The following KIRREL3 variants were observed in gnomAD, a reference collection of about 807,000 sequenced individuals.
The protein encoded by KIRREL3 is kin of IRRE-like protein 3.
In KIRREL3, 36 loss-of-function variants were observed where a neutral mutation model predicts 89.7. The ratio of observed to expected loss-of-function variants is 0.40; its 90% CI spans 0.31 to 0.53. The LOEUF (loss-of-function observed/expected upper bound fraction) is 0.53. Among genes scored for constraint, KIRREL3 ranks in the 20% least tolerant of loss-of-function variants. The pLI, the probability that KIRREL3 is intolerant of heterozygous loss-of-function variation, is 0.49. For synonymous variants in KIRREL3, 445 were observed against 441.4 expected (o/e 1.01, Z -0.10); for missense variants, 864 against 1,056.6 (o/e 0.82, Z 2.53).
intron 1 of KIRREL3, among the ~76,000 whole-genome samples, chr11:126,597,721 G>T (rs1264121305): frequency 6.6e-6 from 1 of 152,194 alleles, no homozygotes; most frequent in Admixed American, 6.5e-5. Flanking sequence ...AGCCCTTGTG[G>T]TCCCTGACAC....
At chr11:126,450,879 ATGTGTGCATGTGCG>A (rs542648274) in intron 7 of KIRREL3, among the ~76,000 whole-genome samples, 1,477 of 124,214 alleles carry the variant, frequency 0.012, 14 homozygotes, top group African/African-American at 0.039. Flanking sequence ...GCATGTGTGC[ATGTGTGCATGTGCG>A]TGTGTGCATG....
rs1422096539 is a variant in KIRREL3 at position 126,923,092 on chromosome 11, TCTTCTTCTTCTC to T, written c.55+77351_55+77362del. ...GCTCAGCTTGCCTTGTGGATCTTCT[TCTTCTTCTTCTC>T]CTTCTCCTTCTCCTTCTCCTTCTTC... On this transcript the variant is annotated intron_variant, in intron 1 of 16. Transcript: ENST00000525144. Among the ~76,000 whole-genome samples, 204 of 112,080 alleles carry T rather than the reference TCTTCTTCTTCTC, an allele frequency of 1.8e-3. 5 individuals carry two copies. Among genetic ancestry groups the T allele is most frequent in the African/African-American group, 7.9e-3 (195 of 24,812 alleles). 73.5% of individuals were successfully genotyped at this position (112,080 alleles called of 152,430 possible).
Position 126,513,774 on chromosome 11 carries a change from C to G in KIRREL3, c.433+7541G>C, listed in dbSNP as rs566062604. Among the ~76,000 whole-genome samples the G allele has an allele frequency of 2.0e-5, 3 of 152,264 alleles. No homozygotes were observed. In the East Asian group the frequency reaches 5.8e-4, roughly 29 times the overall value. On this transcript the variant is annotated intron_variant, in intron 4 of 16. Coordinates refer to ENST00000525144, the MANE Select transcript of KIRREL3 (RefSeq NM_032531.4). This position sits in a 1 kb window ranked among gnomAD's most constrained non-coding sequence, Gnocchi z 5.9. Reference sequence around the variant, plus strand: ...GGGCAGGGCTGGGGCGACCCGCACACCTCAACTCAATGGCTGCAAGACCTC... The same window carrying G: ...GGGCAGGGCTGGGGCGACCCGCACAGCTCAACTCAATGGCTGCAAGACCTC...
intron 1 of KIRREL3, among the ~76,000 whole-genome samples, chr11:126,842,784 G>T (rs1001842109): frequency 1.1e-4 from 16 of 152,142 alleles, no homozygotes; most frequent in African/African-American, 2.7e-4. Context: ...ACAGAAAGTG[G>T]ACTGCCACCT....
Position 126,965,462 on chromosome 11 carries a change from T to G in KIRREL3, c.55+34993A>C, listed in dbSNP as rs771746239. Among the ~76,000 whole-genome samples the G allele has an allele frequency of 1.3e-5, 2 of 152,144 alleles. No homozygotes were observed. Among genetic ancestry groups the G allele is most frequent in the Non-Finnish European group, 2.9e-5 (2 of 68,022 alleles). On this transcript the variant is annotated intron_variant, in intron 1 of 16. Transcript: ENST00000525144. This position sits in a 1 kb window ranked among gnomAD's most constrained non-coding sequence, Gnocchi z 4.4. ...AATCATTATCATCACATTCTAATTCTCATACAATACCTCTTCTCAGTAACA... is the reference window on the plus strand; with the variant it reads ...AATCATTATCATCACATTCTAATTCGCATACAATACCTCTTCTCAGTAACA...
rs996925136 is a variant in KIRREL3, at chr11:126,443,408, G to A, written c.1252+1571C>T. On this transcript the variant is annotated intron_variant, in intron 10 of 16. Coordinates refer to ENST00000525144, the MANE Select transcript of KIRREL3 (RefSeq NM_032531.4). The surrounding 1 kb of genome is among the most constrained non-coding windows in gnomAD (Gnocchi z 7.3). Reference sequence around the variant, plus strand: ...TGTGTTGCCATGGATATACGGAGGCGCGATCAGATGCTGTTATTTTTAGCC... The same window carrying A: ...TGTGTTGCCATGGATATACGGAGGCACGATCAGATGCTGTTATTTTTAGCC... Among the ~76,000 whole-genome samples, 8 of 152,196 alleles carry A rather than the reference G, an allele frequency of 5.3e-5. No homozygotes were observed. The highest frequency in any genetic ancestry group is 8.8e-5 in the Non-Finnish European group (6 of 68,038).
intron 1 of KIRREL3, among the ~76,000 whole-genome samples, chr11:126,979,732 A>T (rs1320857346): frequency 6.6e-6 from 1 of 152,238 alleles, no homozygotes; most frequent in Non-Finnish European, 1.5e-5. Flanking sequence ...GAAAACTTAA[A>T]TGAAATCATA....
chr11:126,533,521 A>G (rs377461495), intron 2 of KIRREL3, among the ~76,000 whole-genome samples: 1 of 152,226 alleles, frequency 6.6e-6, no homozygotes, highest in Non-Finnish European at 1.5e-5. Flanking sequence ...CAGCTATCCA[A>G]GAGTGACTGA....
At chr11:126,518,155 G>A (rs527988153) in intron 4 of KIRREL3, among the ~76,000 whole-genome samples, 109 of 152,148 alleles carry the variant, frequency 7.2e-4, no homozygotes, top group South Asian at 1.4e-3. Flanking sequence ...GCTCAGCTCC[G>A]AAGTTGCTCC....
At chr11:126,502,230 G>C (rs1957886976) in intron 4 of KIRREL3, among the ~76,000 whole-genome samples, 4 of 152,158 alleles carry the variant, frequency 2.6e-5, no homozygotes, top group Admixed American at 2.6e-4. Flanking sequence ...CTCACCTTGG[G>C]CAGATCTCAT....
intron 1 of KIRREL3, among the ~76,000 whole-genome samples, chr11:126,838,770 GA>G (rs1272032763): frequency 3.3e-5 from 5 of 152,248 alleles, no homozygotes; most frequent in Middle Eastern, 3.4e-3. Flanking sequence ...TGTCAGGTTG[GA>G]AAAATGTATG....
In KIRREL3 at chr11:126,564,736, A is replaced by T. The variant is rs551366172; in HGVS notation, c.56-1824T>A. On this transcript the variant is annotated intron_variant, in intron 1 of 16. Transcript: ENST00000525144. The surrounding 1 kb of genome is among the most constrained non-coding windows in gnomAD (Gnocchi z 7.4). ...TGATGTTTACTTACTGTATTTGTGG[A>T]TTCTTTCTAACAACCACCTTCAAGA... 9.3e-4 allele frequency among the ~76,000 whole-genome samples: 141 copies of T among 152,028 alleles called. No homozygotes were observed. Among genetic ancestry groups the T allele is most frequent in the Non-Finnish European group, 1.8e-3 (123 of 67,980 alleles).
chr11:126,607,207 C>T lies in KIRREL3; in HGVS notation c.56-44295G>A, dbSNP rs180904628. Among the ~76,000 whole-genome samples the T allele has an allele frequency of 6.5e-4, 99 of 152,212 alleles. No individual in the cohort carries two copies. Among genetic ancestry groups the T allele is most frequent in the Admixed American group, 5.7e-3 (87 of 15,302 alleles). On this transcript the variant is annotated intron_variant, in intron 1 of 16. Coordinates refer to ENST00000525144, the MANE Select transcript of KIRREL3 (RefSeq NM_032531.4). This position sits in a 1 kb window ranked among gnomAD's most constrained non-coding sequence, Gnocchi z 6.6. Reference sequence around the variant, plus strand: ...CTTCCACTCCCTAAACCCAGGGAAACGATGGAGTAGCTGAGCCGAGATTGG... The same window carrying T: ...CTTCCACTCCCTAAACCCAGGGAAATGATGGAGTAGCTGAGCCGAGATTGG...
chr11:126,850,916 T>C (rs899704529), intron 1 of KIRREL3, among the ~76,000 whole-genome samples: 5 of 152,168 alleles, frequency 3.3e-5, no homozygotes, highest in East Asian at 1.9e-4. Context: ...GACTAACAGT[T>C]ACCGGACAGG....
chr11:126,822,064 A>T (rs1396560334), intron 1 of KIRREL3, among the ~76,000 whole-genome samples: 1 of 152,242 alleles, frequency 6.6e-6, no homozygotes, highest in Non-Finnish European at 1.5e-5. Flanking sequence ...AAGCAAATGC[A>T]GAGTTAATGA....
In KIRREL3 at chr11:126,703,705, C is replaced by T. The variant is rs1320298828; in HGVS notation, c.56-140793G>A. Among the ~76,000 whole-genome samples the T allele has an allele frequency of 6.6e-6, 1 of 152,198 alleles. No individual in the cohort carries two copies. The highest frequency in any genetic ancestry group is 2.1e-4 in the South Asian group (1 of 4,826). The stretch of plus-strand genomic sequence containing the variant: ...GGGCAGGGGAGGCAGGACTCCTAAG[C>T]CTGGGCCCTCTGACTGCCTGGGCCA... On this transcript the variant is annotated intron_variant, in intron 1 of 16. Coordinates refer to ENST00000525144, the MANE Select transcript of KIRREL3 (RefSeq NM_032531.4). The surrounding 1 kb of genome is among the most constrained non-coding windows in gnomAD (Gnocchi z 4.6).
rs56695003 is a variant in KIRREL3 at position 126,999,149 on chromosome 11, A to AGTGTGTGTGT, written c.55+1296_55+1305dup. ...AAGCACACAACCATATGAATACATG[A>AGTGTGTGTGT]GTGTGTGTGTGTGTGTGTGTGTACA... On this transcript the variant is annotated intron_variant, in intron 1 of 16. Coordinates refer to ENST00000525144, the MANE Select transcript of KIRREL3 (RefSeq NM_032531.4). This position sits in a 1 kb window ranked among gnomAD's most constrained non-coding sequence, Gnocchi z 5.7. Among the ~76,000 whole-genome samples, 1,425 of 141,326 alleles carry AGTGTGTGTGT rather than the reference A, an allele frequency of 0.01. 20 individuals are homozygous for AGTGTGTGTGT. The highest frequency in any genetic ancestry group is 0.031 in the African/African-American group (1,229 of 39,602). The allele number at this position is 141,326 out of a possible 152,430, so 92.7% of individuals were successfully genotyped here.
rs1950046892 is a variant in KIRREL3, at chr11:126,772,430, A to G, written c.56-209518T>C. On this transcript the variant is annotated intron_variant, in intron 1 of 16. Transcript: ENST00000525144. The surrounding 1 kb of genome is among the most constrained non-coding windows in gnomAD (Gnocchi z 4.6). ...GGGGATGGCTTATAATTTGAGGGAG[A>G]CGTTTGGGAGGAGGATGCTTCAGCC... Among the ~76,000 whole-genome samples, 1 of 151,726 alleles carries G rather than the reference A, an allele frequency of 6.6e-6. No homozygotes were observed. Among genetic ancestry groups the G allele is most frequent in the Non-Finnish European group, 1.5e-5 (1 of 67,952 alleles).
At chr11:126,786,296 T>G (rs1950486401) in intron 1 of KIRREL3, among the ~76,000 whole-genome samples, 1 of 152,180 alleles carries the variant, frequency 6.6e-6, no homozygotes, top group African/African-American at 2.4e-5. Flanking sequence ...TCAAAGGAAA[T>G]TCACCGAAAT....
Sources: gnomAD v4.1 joint callset for allele counts (sites outside exome capture counted in the v4.1 genomes callset) on GRCh38, gnomAD v4.1.1 for gene constraint, Gnocchi (gnomAD v3.1) non-coding constraint, MANE v1.5 for transcripts, NCBI Gene and HGNC (gene_info 2026-07-23, HGNC 2026-07-21) for gene names.